TNR: variants seen among roughly 807,000 people sequenced by gnomAD.
TNR encodes tenascin-R.
In TNR, 45 loss-of-function variants were observed where a neutral mutation model predicts 150.4. The observed-to-expected ratio is 0.30, with a 90% CI of 0.24 to 0.38. TNR has a LOEUF of 0.38. Ranked by LOEUF, TNR falls within the 10% of genes least tolerant of loss-of-function variation. The probability of loss-of-function intolerance (pLI) is 1.00; values close to 1 mark genes in which losing one functional copy is unlikely to be tolerated. For synonymous variants in TNR, 687 were observed against 678.4 expected (o/e 1.01, Z -0.20); for missense variants, 1,544 against 1,759.1 (o/e 0.88, Z 2.19).
chr1:175,528,755 A>C (rs1340216287), intron 1 of TNR, among the ~76,000 whole-genome samples: 1 of 151,968 alleles, frequency 6.6e-6, no homozygotes, highest in Non-Finnish European at 1.5e-5. Flanking sequence ...CTCCTCCCCA[A>C]CCTGACCCCC....
intron 2 of TNR, among the ~76,000 whole-genome samples, chr1:175,471,481 C>G (rs1240841649): frequency 2.6e-5 from 4 of 152,294 alleles, no homozygotes; most frequent in East Asian, 1.9e-4. Context: ...ACCTGCGGAG[C>G]ATGTTACTGT....
intron 2 of TNR, among the ~76,000 whole-genome samples, chr1:175,488,522 T>C (rs1361146236): frequency 6.6e-6 from 1 of 152,118 alleles, no homozygotes; most frequent in Non-Finnish European, 1.5e-5. Context: ...GGAAATTGAT[T>C]TAGGGGGAGC....
intron 1 of TNR, among the ~76,000 whole-genome samples, chr1:175,610,583 A>G (rs1663560399): frequency 6.6e-6 from 1 of 152,184 alleles, no homozygotes; most frequent in African/African-American, 2.4e-5. Context: ...TTAGCCCATC[A>G]TGGCAGACTT....
At chr1:175,682,139 A>G (rs1364346861) in intron 1 of TNR, among the ~76,000 whole-genome samples, 1 of 152,220 alleles carries the variant, frequency 6.6e-6, no homozygotes, top group Non-Finnish European at 1.5e-5. Context: ...CATTTACTAA[A>G]CCAGGCTCAT....
chr1:175,702,725 G>A (rs984130731), intron 1 of TNR, among the ~76,000 whole-genome samples: 3 of 152,254 alleles, frequency 2.0e-5, no homozygotes, highest in Non-Finnish European at 4.4e-5. Flanking sequence ...GGGGTTAGAT[G>A]TGGGTGCACC....
chr1:175,627,903 G>A (rs1466394934), intron 1 of TNR, among the ~76,000 whole-genome samples: 1 of 152,148 alleles, frequency 6.6e-6, no homozygotes, highest in Non-Finnish European at 1.5e-5. Context: ...AGAGTAATGA[G>A]AGGTCTGTAA....
At chr1:175,613,916 T>C (rs1663681898) in intron 1 of TNR, among the ~76,000 whole-genome samples, 1 of 152,188 alleles carries the variant, frequency 6.6e-6, no homozygotes, top group Admixed American at 6.5e-5. Context: ...TATGGTATCC[T>C]GAGAAAGGAT....
At chr1:175,664,117 G>A (rs1047854760) in intron 1 of TNR, among the ~76,000 whole-genome samples, 6 of 152,334 alleles carry the variant, frequency 3.9e-5, no homozygotes, top group South Asian at 2.1e-4. Context: ...AAAGGGGCCC[G>A]TCTAACCCTC....
chr1:175,324,370 A>G lies in TNR; in HGVS notation c.3943T>C (p.Ser1315Pro). ...RTNLNGKYGESRHSQGINWYH... is the reference protein window; with the variant it reads ...RTNLNGKYGEPRHSQGINWYH... ...GCATCGCTTACCTGACTGTGCCTGG[A>G]CTCCCCGTACTTCCCATTGAGGTTG... is the stretch of plus-strand genomic sequence containing the variant. The change falls in exon 22 of 23, where the codon TCC becomes CCC. Residue 1315 changes from serine to proline, a missense_variant. Physicochemically the swap from Ser to Pro is moderately conservative, Grantham distance 74. Coordinates refer to ENST00000367674, the MANE Select transcript of TNR (RefSeq NM_003285.3). 6.2e-7 allele frequency: 1 copy of G among 1,613,444 alleles called. No individual in the cohort carries two copies. Among genetic ancestry groups the G allele is most frequent in the Non-Finnish European group, 8.5e-7 (1 of 1,179,884 alleles).
chr1:175,721,867 G>A (rs893711213), intron 1 of TNR, among the ~76,000 whole-genome samples: 1 of 99,122 alleles, frequency 1.0e-5, no homozygotes, highest in African/African-American at 4.1e-5. Flanking sequence ...TGACCAGCCT[G>A]CCTCCCCGGT....
intron 1 of TNR, among the ~76,000 whole-genome samples, chr1:175,636,464 C>A (rs1664493913): frequency 6.6e-6 from 1 of 152,138 alleles, no homozygotes; most frequent in South Asian, 2.1e-4. Context: ...TGAGAAGCCC[C>A]TGACATCCAT....
Position 175,317,672 on chromosome 1 carries a change from G to A in TNR, c.*5685C>T, listed in dbSNP as rs1422092252. ...CCTGACCTGAATCCATGGTGCCAGT[G>A]AGTGAGTGCCAGTACCCAGGAGAGC... On this transcript the variant is annotated 3_prime_UTR_variant, in exon 23 of 23. Transcript: ENST00000367674. 1 of 152,278 alleles carries A rather than the reference G, an allele frequency of 6.6e-6. No homozygotes were observed. Among genetic ancestry groups the A allele is most frequent in the Non-Finnish European group, 1.5e-5 (1 of 68,084 alleles). The allele number at this position is 152,278 out of a possible 1,614,324, so 9.4% of individuals were successfully genotyped here. A position where few individuals can be genotyped will look rare whatever the true frequency, so the allele number is the denominator to read the frequency against.
chr1:175,731,206 A>G (rs1241636113), intron 1 of TNR, among the ~76,000 whole-genome samples: 1 of 152,164 alleles, frequency 6.6e-6, no homozygotes, highest in African/African-American at 2.4e-5. Flanking sequence ...CGTGATTTCA[A>G]TCACCAGCCC....
intron 2 of TNR, among the ~76,000 whole-genome samples, chr1:175,434,999 G>A (rs1257978424): frequency 6.6e-6 from 1 of 152,088 alleles, no homozygotes; most frequent in Non-Finnish European, 1.5e-5. Context: ...CGTTGCCTTG[G>A]TAATATATTC....
At chr1:175,420,859 G>A (rs911313555) in intron 2 of TNR, among the ~76,000 whole-genome samples, 3 of 152,158 alleles carry the variant, frequency 2.0e-5, no homozygotes, top group African/African-American at 7.2e-5. Context: ...GTGTAAAAAG[G>A]AATCCAGCTC....
intron 2 of TNR, among the ~76,000 whole-genome samples, chr1:175,449,834 A>G (rs1656224883): frequency 6.6e-6 from 1 of 152,070 alleles, no homozygotes. Context: ...TTCATTTGAG[A>G]TTTGAGCCTC....
chr1:175,741,073 T>G (rs996597339), intron 1 of TNR, among the ~76,000 whole-genome samples: 2 of 152,346 alleles, frequency 1.3e-5, no homozygotes, highest in East Asian at 1.9e-4. Flanking sequence ...TTGAGACTTC[T>G]GGCTGATTCT....
At chr1:175,627,706 C>A (rs1188936159) in intron 1 of TNR, among the ~76,000 whole-genome samples, 1 of 152,018 alleles carries the variant, frequency 6.6e-6, no homozygotes, top group African/African-American at 2.4e-5. Context: ...CCTTACCCAC[C>A]CCACCCCCAA....
At chr1:175,616,615 G>A (rs1013018446) in intron 1 of TNR, among the ~76,000 whole-genome samples, 2 of 152,160 alleles carry the variant, frequency 1.3e-5, no homozygotes, top group Non-Finnish European at 2.9e-5. Context: ...CTCAGCACAG[G>A]CAAGGAGGGC....
Sources: gnomAD v4.1 joint callset for allele counts (sites outside exome capture counted in the v4.1 genomes callset) on GRCh38, gnomAD v4.1.1 for gene constraint, MANE v1.5 for transcripts, NCBI Gene and HGNC (gene_info 2026-07-23, HGNC 2026-07-21) for gene names.